The following KIAA1328 variants were observed in gnomAD, a reference collection of about 807,000 sequenced individuals.
The protein encoded by KIAA1328 is KIAA1328.
A neutral mutation model predicts 68.1 loss-of-function variants in KIAA1328; 52 were observed. The ratio of observed to expected loss-of-function variants is 0.76; its 90% confidence interval spans 0.61 to 0.96. KIAA1328 has a LOEUF of 0.96. KIAA1328 is among the 40% of genes least tolerant of loss of function. KIAA1328 has a pLI of 0.00. For synonymous variants in KIAA1328, 232 were observed against 239.4 expected (o/e 0.97, Z 0.28); for missense variants, 641 against 677.6 (o/e 0.95, Z 0.60).
chr18:36,999,942 G>C (rs1293934575), intron 6 of KIAA1328, among the ~76,000 whole-genome samples: 1 of 151,130 alleles, frequency 6.6e-6, no homozygotes, highest in Non-Finnish European at 1.5e-5. Flanking sequence ...GAGAAAAGAA[G>C]GGAACAAAGA....
intron 9 of KIAA1328, among the ~76,000 whole-genome samples, chr18:37,200,972 T>A (rs2060102355): frequency 6.6e-6 from 1 of 152,158 alleles, no homozygotes. Context: ...AAGGTGTCTC[T>A]TATAGCCAGG....
intron 4 of KIAA1328, among the ~76,000 whole-genome samples, chr18:36,846,718 T>C (rs2047041660): frequency 6.6e-6 from 1 of 151,506 alleles, no homozygotes; most frequent in South Asian, 2.1e-4. Flanking sequence ...GGCCACACAG[T>C]ATATACTCTT....
At chr18:36,830,683 C>T (rs1228630489) in intron 1 of KIAA1328, among the ~76,000 whole-genome samples, 4 of 152,162 alleles carry the variant, frequency 2.6e-5, no homozygotes, top group African/African-American at 9.7e-5. Flanking sequence ...TTCACTTACT[C>T]ATGTAGTTAT....
intron 5 of KIAA1328, among the ~76,000 whole-genome samples, chr18:36,937,811 T>C (rs4239395): frequency 0.99 from 150,325 of 152,188 alleles, 74,260 homozygotes; most frequent in East Asian, 1. Flanking sequence ...ATTCTACTCT[T>C]TATCTTCATG....
At chr18:37,220,867 C>A (rs1246843343) in intron 9 of KIAA1328, among the ~76,000 whole-genome samples, 1 of 152,184 alleles carries the variant, frequency 6.6e-6, no homozygotes, top group Non-Finnish European at 1.5e-5. Flanking sequence ...TGCTCTATTG[C>A]CCAGGCTGGA....
chr18:36,942,296 G>C (rs140772692), intron 5 of KIAA1328, among the ~76,000 whole-genome samples: 4 of 152,206 alleles, frequency 2.6e-5, no homozygotes. Context: ...TGATATTCAC[G>C]TTATGCTCAA....
At chr18:37,077,253 A>G (rs1282118129) in intron 7 of KIAA1328, among the ~76,000 whole-genome samples, 2 of 135,652 alleles carry the variant, frequency 1.5e-5, no homozygotes, top group Admixed American at 1.4e-4. Flanking sequence ...ATCTCAATAG[A>G]TGCAGAACAG....
chr18:37,015,433 A>G (rs1045172300), intron 6 of KIAA1328, among the ~76,000 whole-genome samples: 24 of 152,276 alleles, frequency 1.6e-4, no homozygotes, highest in Non-Finnish European at 3.4e-4. Flanking sequence ...AGGTAGTGTA[A>G]TGCATCCAAC....
intron 3 of KIAA1328, among the ~76,000 whole-genome samples, chr18:36,839,983 G>C (rs1416112962): frequency 6.6e-6 from 1 of 152,168 alleles, no homozygotes; most frequent in African/African-American, 2.4e-5. Flanking sequence ...GGATTCTGCA[G>C]ATCCCTGGAG....
At chr18:36,832,035 T>G (rs756831990) in intron 1 of KIAA1328, among the ~76,000 whole-genome samples, 11 of 152,216 alleles carry the variant, frequency 7.2e-5, no homozygotes, top group Non-Finnish European at 1.3e-4. Flanking sequence ...AATCTAGAAA[T>G]GACCCACTAG....
chr18:36,884,527 T>A (rs542388437), intron 4 of KIAA1328, among the ~76,000 whole-genome samples: 8 of 152,216 alleles, frequency 5.3e-5, no homozygotes, highest in Non-Finnish European at 1.2e-4. Flanking sequence ...CCTGTTGATT[T>A]CAATATCTCT....
rs974285631 is a variant in KIAA1328 at position 37,219,848 on chromosome 18, A to C, written c.1524-2169A>C. Among the ~76,000 whole-genome samples the C allele has an allele frequency of 2.6e-5, 4 of 152,146 alleles. No individual in the cohort carries two copies. The East Asian group carries it at 7.7e-4, about 29-fold the overall frequency. ...TGTGGGCTGCACCCACTGTCCATCCAGTCCCAATGAGATGAACCAGGTACC... is the reference window on the plus strand; with the variant it reads ...TGTGGGCTGCACCCACTGTCCATCCCGTCCCAATGAGATGAACCAGGTACC... On this transcript the variant is annotated intron_variant, in intron 9 of 9. Coordinates refer to ENST00000280020, the MANE Select transcript of KIAA1328 (RefSeq NM_020776.3).
downstream of KIAA1328, among the ~76,000 whole-genome samples, chr18:37,225,577 T>C (rs2060630107): frequency 6.6e-6 from 1 of 152,216 alleles, no homozygotes; most frequent in East Asian, 1.9e-4. Context: ...GATTTTGTGC[T>C]TGTTGGAACA....
intron 5 of KIAA1328, chr18:36,902,290 C>G (rs575775793): frequency 3.3e-5 from 5 of 152,068 alleles, no homozygotes; most frequent in Non-Finnish European, 7.4e-5. Flanking sequence ...GGCAGTTTGC[C>G]ACAAAGCTGA....
chr18:36,989,822 G>A (rs1007146642), intron 6 of KIAA1328, among the ~76,000 whole-genome samples: 2 of 152,092 alleles, frequency 1.3e-5, no homozygotes, highest in Non-Finnish European at 2.9e-5. Flanking sequence ...AGCGTCCCAA[G>A]TAGCTGGGCC....
At chr18:37,092,999 A>G (rs116913163) in intron 7 of KIAA1328, among the ~76,000 whole-genome samples, 3,973 of 152,286 alleles carry the variant, frequency 0.026, 65 homozygotes, top group Non-Finnish European at 0.039. Context: ...CAGCTTACAC[A>G]GACAACCACA....
In KIAA1328 at chr18:37,096,082, CT is replaced by C. The variant is rs557817819; in HGVS notation, c.1232+28548del. Among the ~76,000 whole-genome samples the C allele has an allele frequency of 4.0e-3, 591 of 147,654 alleles. 6 individuals are homozygous for C. Among genetic ancestry groups the C allele is most frequent in the Middle Eastern group, 0.017 (5 of 286 alleles). ...TTATAAAGGAGAACTGACACCAATTCTTTTTTTTTTTCTACTTTAAGTTTTA... is the reference window on the plus strand; with the variant it reads ...TTATAAAGGAGAACTGACACCAATTCTTTTTTTTTTCTACTTTAAGTTTTA... On this transcript the variant is annotated intron_variant, in intron 7 of 9. Coordinates refer to ENST00000280020, the MANE Select transcript of KIAA1328 (RefSeq NM_020776.3).
At chr18:36,979,691 C>T (rs561137283) in intron 6 of KIAA1328, among the ~76,000 whole-genome samples, 1 of 152,224 alleles carries the variant, frequency 6.6e-6, no homozygotes, top group East Asian at 1.9e-4. Flanking sequence ...TGCCAATCAC[C>T]AGAAATGGGA....
chr18:37,080,464 A>T (rs923806665), intron 7 of KIAA1328, among the ~76,000 whole-genome samples: 2 of 152,132 alleles, frequency 1.3e-5, no homozygotes, highest in African/African-American at 4.8e-5. Context: ...CCCAGCTGTA[A>T]CACTGGCCAC....
Sources: allele counts gnomAD v4.1 joint callset (sites outside exome capture counted in the v4.1 genomes callset), GRCh38; gene constraint gnomAD v4.1.1; transcripts MANE v1.5; gene names NCBI Gene and HGNC (gene_info 2026-07-23, HGNC 2026-07-21).